The following CDH12 variants were observed in gnomAD, a reference collection of about 807,000 sequenced individuals.
CDH12 encodes cadherin 12, also known as cadherin-12.
Under a neutral mutation model 74.1 loss-of-function variants are expected in CDH12, and 41 were observed. That is an observed-to-expected ratio of 0.55 (90% confidence interval 0.43 to 0.72). The LOEUF is 0.72. CDH12 is among the 30% of genes least tolerant of loss of function. The pLI, the probability that CDH12 is intolerant of heterozygous loss-of-function variation, is 0.00. For missense variants in CDH12, 945 were observed against 977.2 expected, an observed-to-expected ratio of 0.97 and a Z score of 0.44; for synonymous variants, 399 against 355.0, an observed-to-expected ratio of 1.12 and a Z score of -1.39.
chr5:21,979,543 C>T (rs1311239649), intron 5 of CDH12, among the ~76,000 whole-genome samples: 1 of 152,110 alleles, frequency 6.6e-6, no homozygotes, highest in Non-Finnish European at 1.5e-5. Context: ...ACTAGCATCT[C>T]TCTGATTATA....
At chr5:22,656,431 A>C (rs1740038825) in intron 1 of CDH12, among the ~76,000 whole-genome samples, 1 of 152,226 alleles carries the variant, frequency 6.6e-6, no homozygotes, top group Admixed American at 6.5e-5. Context: ...TACATCATTG[A>C]AACATCAAGA....
chr5:22,271,199 A>T (rs1736383293), intron 3 of CDH12, among the ~76,000 whole-genome samples: 1 of 152,126 alleles, frequency 6.6e-6, no homozygotes, highest in African/African-American at 2.4e-5. Flanking sequence ...AATATTCTCA[A>T]CATTTTCTGT....
chr5:22,209,871 A>G (rs1184043078), intron 4 of CDH12, among the ~76,000 whole-genome samples: 5 of 152,306 alleles, frequency 3.3e-5, no homozygotes, highest in African/African-American at 1.2e-4. Context: ...ATATGAGGTA[A>G]CAAAAAGGTA....
chr5:22,117,458 TTATATATATA>T (rs1745193473), intron 4 of CDH12, among the ~76,000 whole-genome samples: 1 of 75,490 alleles, frequency 1.3e-5, no homozygotes, highest in East Asian at 4.0e-4. Context: ...AATATATATA[TTATATATATA>T]ATATATATAT....
chr5:22,369,296 G>A (rs1741166868), intron 3 of CDH12, among the ~76,000 whole-genome samples: 1 of 151,954 alleles, frequency 6.6e-6, no homozygotes, highest in African/African-American at 2.4e-5. Context: ...ACTTTTTAAA[G>A]AAATATTAAA....
intron 3 of CDH12, among the ~76,000 whole-genome samples, chr5:22,389,875 C>T (rs572232050): frequency 6.6e-6 from 1 of 152,116 alleles, no homozygotes; most frequent in Admixed American, 6.5e-5. Flanking sequence ...GTCTCGATCT[C>T]CTGACCTCGT....
intron 1 of CDH12, among the ~76,000 whole-genome samples, chr5:22,738,309 A>G (rs1482188179): frequency 2.0e-5 from 3 of 152,042 alleles, no homozygotes; most frequent in Non-Finnish European, 4.4e-5. Context: ...GTTTTGATCC[A>G]TTGTTGTTTC....
rs567112325 is a variant in CDH12, at chr5:22,460,845, C to T, written c.-428+44425G>A. ...AAGTGATTCTCCTGCCTTGATCCCC[C>T]GAGTAGCTGGGATTACAGGCGCCTG... is the stretch of plus-strand genomic sequence containing the variant. On this transcript the variant is annotated intron_variant, in intron 2 of 14. Coordinates refer to ENST00000382254, the MANE Select transcript of CDH12 (RefSeq NM_004061.5). 1.3e-3 allele frequency among the ~76,000 whole-genome samples: 193 copies of T among 147,446 alleles called. 1 individual carries two copies. The highest frequency in any genetic ancestry group is 4.7e-3 in the African/African-American group (187 of 40,108).
chr5:21,982,810 T>C (rs1169015530), intron 5 of CDH12, among the ~76,000 whole-genome samples: 1 of 152,138 alleles, frequency 6.6e-6, no homozygotes, highest in Non-Finnish European at 1.5e-5. Context: ...AACCTTTTTG[T>C]TTTATTACCA....
chr5:22,073,570 AATTT>A (rs572424336), intron 5 of CDH12, among the ~76,000 whole-genome samples: 292 of 152,272 alleles, frequency 1.9e-3, no homozygotes, highest in African/African-American at 6.6e-3. Context: ...AGATAAAGTT[AATTT>A]ATTTCTTACT....
chr5:22,741,664 T>A (rs756039657), intron 1 of CDH12, among the ~76,000 whole-genome samples: 2 of 152,184 alleles, frequency 1.3e-5, no homozygotes, highest in Non-Finnish European at 2.9e-5. Context: ...TATTCACATC[T>A]GTATGTGTCT....
chr5:22,328,581 A>G (rs1481313368), intron 3 of CDH12, among the ~76,000 whole-genome samples: 1 of 152,212 alleles, frequency 6.6e-6, no homozygotes, highest in African/African-American at 2.4e-5. Context: ...GAGAGTTACT[A>G]AGAATCAGAA....
At chr5:22,810,466 C>T (rs1295485733) in intron 1 of CDH12, among the ~76,000 whole-genome samples, 1 of 151,878 alleles carries the variant, frequency 6.6e-6, no homozygotes, top group Non-Finnish European at 1.5e-5. Context: ...CTTTTATTCT[C>T]CCAGTGAACA....
intron 5 of CDH12, among the ~76,000 whole-genome samples, chr5:22,060,360 C>T (rs1309694587): frequency 6.6e-6 from 1 of 152,022 alleles, no homozygotes; most frequent in Non-Finnish European, 1.5e-5. Context: ...GGACAAATAC[C>T]TAATGCATGC....
intron 6 of CDH12, among the ~76,000 whole-genome samples, chr5:21,863,714 G>C (rs930736022): frequency 1.3e-5 from 2 of 152,088 alleles, no homozygotes; most frequent in Non-Finnish European, 2.9e-5. Flanking sequence ...TTTCAATTTA[G>C]AGAGTACAAC....
At chr5:22,114,757 T>C (rs951693410) in intron 4 of CDH12, among the ~76,000 whole-genome samples, 3 of 152,192 alleles carry the variant, frequency 2.0e-5, no homozygotes, top group Non-Finnish European at 2.9e-5. Flanking sequence ...TGTCAGATAG[T>C]TTCTTCCTTC....
Position 21,880,612 on chromosome 5 carries a change from C to CTCTCT in CDH12, c.527-25823_527-25822insAGAGA, listed in dbSNP as rs1561268318. 7.0e-4 allele frequency among the ~76,000 whole-genome samples: 49 copies of CTCTCT among 69,928 alleles called. 2 individuals are homozygous for CTCTCT. Among genetic ancestry groups the CTCTCT allele is most frequent in the African/African-American group, 3.2e-3 (49 of 15,252 alleles). The allele number at this position is 69,928 out of a possible 152,430, so 45.9% of individuals were successfully genotyped here. A position where few individuals can be genotyped will look rare whatever the true frequency, so the allele number is the denominator to read the frequency against. Reference sequence around the variant, plus strand: ...CCTTCCTTCCTTCCTTCCTTCCTTCCTTCCTTCTTTCTTTCTTTCTTTCTT... The same window carrying CTCTCT: ...CCTTCCTTCCTTCCTTCCTTCCTTCCTCTCTTTCCTTCTTTCTTTCTTTCTTTCTT... On this transcript the variant is annotated intron_variant, in intron 6 of 14. Transcript: ENST00000382254.
At chr5:21,907,012 A>G (rs1265539175) in intron 6 of CDH12, among the ~76,000 whole-genome samples, 1 of 152,152 alleles carries the variant, frequency 6.6e-6, no homozygotes, top group Non-Finnish European at 1.5e-5. Context: ...GCTCCTGTGA[A>G]AAGCAGCAGC....
intron 1 of CDH12, among the ~76,000 whole-genome samples, chr5:22,627,576 C>T (rs988611932): frequency 3.3e-5 from 5 of 152,056 alleles, no homozygotes; most frequent in Admixed American, 6.6e-5. Context: ...TACAAGAGGT[C>T]CTTAAGGGTG....
Sources: gnomAD v4.1 joint callset for allele counts (sites outside exome capture counted in the v4.1 genomes callset) on GRCh38, gnomAD v4.1.1 for gene constraint, MANE v1.5 for transcripts, NCBI Gene and HGNC (gene_info 2026-07-23, HGNC 2026-07-21) for gene names.